The following SENP7 variants were observed in gnomAD, a reference collection of about 807,000 sequenced individuals.
The protein encoded by SENP7 is sentrin-specific protease 7.
Under a neutral mutation model 141.2 loss-of-function variants are expected in SENP7, and 64 were observed. The observed-to-expected ratio is 0.45, with a 90% CI of 0.37 to 0.56. The LOEUF (loss-of-function observed/expected upper bound fraction) is 0.56, where lower values mean the gene tolerates loss of function less well. Ranked by LOEUF, SENP7 falls within the 20% of genes least tolerant of loss-of-function variation. The pLI, the probability that SENP7 is intolerant of heterozygous loss-of-function variation, is 0.00. For synonymous variants in SENP7, 382 were observed against 426.4 expected (o/e 0.90, Z 1.28); for missense variants, 1,025 against 1,212.2 (o/e 0.85, Z 2.29).
chr3:101,338,140 G>A (rs1453758293), intron 16 of SENP7, among the ~76,000 whole-genome samples: 4 of 143,754 alleles, frequency 2.8e-5, no homozygotes, highest in South Asian at 2.3e-4. Context: ...GTGACACAGC[G>A]AGACTCTGTC....
chr3:101,475,084 T>TA (rs1407018164), intron 3 of SENP7, among the ~76,000 whole-genome samples: 1 of 152,116 alleles, frequency 6.6e-6, no homozygotes. Flanking sequence ...TAGCCATACT[T>TA]ACATCAGACA....
intron 3 of SENP7, among the ~76,000 whole-genome samples, chr3:101,469,890 T>A (rs1230428883): frequency 2.0e-5 from 3 of 147,030 alleles, no homozygotes; most frequent in Non-Finnish European, 4.5e-5. Context: ...CAGACCACAG[T>A]GCAATCAAAT....
chr3:101,485,080 AC>A (rs1201886762), intron 3 of SENP7, among the ~76,000 whole-genome samples: 4 of 151,296 alleles, frequency 2.6e-5, no homozygotes, highest in African/African-American at 9.7e-5. Flanking sequence ...TCTCACCCAC[AC>A]CCCCCACAGC....
rs546123694 is a variant in SENP7 at position 101,459,472 on chromosome 3, C to T, written c.187-420G>A. On this transcript the variant is annotated intron_variant, in intron 3 of 23. Transcript: ENST00000394095. ...CATGTGGAAAATTTTAGGAAAGAGCCGGACACCTTATTGACAGAGTTTAGA... is the reference window on the plus strand; with the variant it reads ...CATGTGGAAAATTTTAGGAAAGAGCTGGACACCTTATTGACAGAGTTTAGA... 6.0e-4 allele frequency among the ~76,000 whole-genome samples: 92 copies of T among 152,134 alleles called. 1 individual carries two copies. Among genetic ancestry groups the T allele is most frequent in the Non-Finnish European group, 1.0e-3 (70 of 67,982 alleles).
intron 12 of SENP7, among the ~76,000 whole-genome samples, chr3:101,349,920 T>C (rs1197696172): frequency 1.3e-5 from 2 of 152,156 alleles, no homozygotes; most frequent in African/African-American, 4.8e-5. Context: ...GAAAACTCTA[T>C]TTCCTAGCTT....
chr3:101,461,108 A>T (rs1490561442), intron 3 of SENP7, among the ~76,000 whole-genome samples: 1 of 152,200 alleles, frequency 6.6e-6, no homozygotes, highest in Non-Finnish European at 1.5e-5. Flanking sequence ...GTCATTAGGA[A>T]ATGCAAATCC....
chr3:101,356,304 T>G (rs1027351627), intron 11 of SENP7, among the ~76,000 whole-genome samples: 1 of 133,944 alleles, frequency 7.5e-6, no homozygotes, highest in African/African-American at 2.6e-5. Flanking sequence ...AATGCCCAAC[T>G]AATAAAAAAG....
chr3:101,448,081 C>T (rs1041506313), intron 4 of SENP7, among the ~76,000 whole-genome samples: 1 of 152,006 alleles, frequency 6.6e-6, no homozygotes, highest in Non-Finnish European at 1.5e-5. Context: ...TCATTCCATA[C>T]CCAAAAATTA....
rs775536544 is a variant in SENP7, at chr3:101,450,430, G to A, written c.284+8525C>T. ...TATACATTCTTCTCAGCACCACACC[G>A]CACTTATTCCAAAATTGATCACATA... On this transcript the variant is annotated intron_variant, in intron 4 of 23. Coordinates refer to ENST00000394095, the MANE Select transcript of SENP7 (RefSeq NM_020654.5). Among the ~76,000 whole-genome samples, 19 of 152,044 alleles carry A rather than the reference G, an allele frequency of 1.2e-4. 3 individuals carry two copies. The highest frequency in any genetic ancestry group is 1.2e-3 in the South Asian group (6 of 4,818).
intron 3 of SENP7, among the ~76,000 whole-genome samples, chr3:101,463,920 G>A (rs1247001802): frequency 2.0e-5 from 3 of 152,110 alleles, no homozygotes; most frequent in Non-Finnish European, 4.4e-5. Context: ...CGCCTCCCAG[G>A]TTCAAGCACT....
At chr3:101,336,923 G>A (rs1387798681) in intron 17 of SENP7, among the ~76,000 whole-genome samples, 3 of 152,166 alleles carry the variant, frequency 2.0e-5, no homozygotes, top group Non-Finnish European at 4.4e-5. Context: ...TAAATAGTCT[G>A]TCATTGGGGA....
chr3:101,438,672 T>C (rs910565675), intron 4 of SENP7, among the ~76,000 whole-genome samples: 1 of 152,240 alleles, frequency 6.6e-6, no homozygotes, highest in Non-Finnish European at 1.5e-5. Flanking sequence ...AATAGATACA[T>C]GTTATTCTAT....
At chr3:101,407,472 C>T (rs775097121) in intron 5 of SENP7, among the ~76,000 whole-genome samples, 11 of 152,050 alleles carry the variant, frequency 7.2e-5, no homozygotes, top group Non-Finnish European at 1.0e-4. Context: ...ATCCAACAAC[C>T]GCAGAATATA....
intron 4 of SENP7, among the ~76,000 whole-genome samples, chr3:101,430,350 T>C (rs1451418456): frequency 3.3e-5 from 5 of 152,220 alleles, no homozygotes; most frequent in Non-Finnish European, 7.3e-5. Flanking sequence ...TATTAGTTAT[T>C]GCCTCAATTT....
intron 4 of SENP7, among the ~76,000 whole-genome samples, chr3:101,419,576 T>A (rs999705018): frequency 1.3e-5 from 2 of 152,062 alleles, no homozygotes; most frequent in Non-Finnish European, 2.9e-5. Context: ...TGAAAGTAGT[T>A]GAGAAATATG....
intron 19 of SENP7, 62 bp from the exon 20 acceptor site, chr3:101,330,448 G>T (rs1363937081): frequency 7.1e-6 from 8 of 1,121,950 alleles, no homozygotes; most frequent in African/African-American, 6.3e-5. Context: ...AGGTAACTTA[G>T]AAAAGCTTAA....
intron 1 of SENP7, among the ~76,000 whole-genome samples, chr3:101,504,992 G>T (rs4350900): frequency 1.3e-5 from 2 of 151,866 alleles, no homozygotes; most frequent in African/African-American, 4.8e-5. Context: ...TTGAGCCCAG[G>T]AGGTCGAGGC....
At chr3:101,490,328 G>A (rs544030016) in intron 3 of SENP7, among the ~76,000 whole-genome samples, 1 of 152,088 alleles carries the variant, frequency 6.6e-6, no homozygotes, top group East Asian at 1.9e-4. Flanking sequence ...GCAAAACATG[G>A]ATAAATGTTA....
chr3:101,401,054 C>T (rs947648127), intron 5 of SENP7, among the ~76,000 whole-genome samples: 2 of 150,842 alleles, frequency 1.3e-5, no homozygotes, highest in Non-Finnish European at 2.9e-5. Flanking sequence ...GCTAGGATTG[C>T]GCCACCTCTG....
Sources: allele counts gnomAD v4.1 joint callset (sites outside exome capture counted in the v4.1 genomes callset), GRCh38; gene constraint gnomAD v4.1.1; transcripts MANE v1.5; gene names NCBI Gene and HGNC (gene_info 2026-07-23, HGNC 2026-07-21).